SCRN3: variants seen among roughly 807,000 people sequenced by gnomAD.
SCRN3 encodes the protein secernin 3.
SCRN3 carries 39 observed loss-of-function variants against 43.1 expected under a neutral mutation model. The ratio of observed to expected loss-of-function variants is 0.91; its 90% CI spans 0.70 to 1.18. SCRN3 has a LOEUF of 1.18. Among genes scored for constraint, SCRN3 ranks in the 50% most tolerant of loss-of-function variants. The probability of loss-of-function intolerance (pLI) is 0.00; values close to 1 mark genes in which losing one functional copy is unlikely to be tolerated. For missense variants in SCRN3, 484 were observed against 498.0 expected (o/e 0.97, Z 0.27); for synonymous variants, 147 against 163.1 (o/e 0.90, Z 0.75).
At chr2:174,398,473 T>C in intron 2 of SCRN3, 31 bp downstream of exon 2, 1 of 1,550,818 alleles carries the variant, frequency 6.4e-7, no homozygotes, top group Non-Finnish European at 8.7e-7. Context: ...GTTAGCAATA[T>C]GCCTTTTAAA....
At chr2:174,400,573 C>G (rs1685474475) in intron 3 of SCRN3, among the ~76,000 whole-genome samples, 1 of 152,162 alleles carries the variant, frequency 6.6e-6, no homozygotes, top group African/African-American at 2.4e-5. Flanking sequence ...ACTGGGATTA[C>G]CAGCACAGGC....
intron 5 of SCRN3, among the ~76,000 whole-genome samples, chr2:174,414,488 G>C (rs994291798): frequency 6.6e-6 from 1 of 151,976 alleles, no homozygotes; most frequent in Non-Finnish European, 1.5e-5. Flanking sequence ...AGCAATATAC[G>C]ATGTAGATCA....
intron 3 of SCRN3, among the ~76,000 whole-genome samples, chr2:174,400,661 C>T (rs1426442835): frequency 6.6e-6 from 1 of 152,198 alleles, no homozygotes; most frequent in Non-Finnish European, 1.5e-5. Flanking sequence ...AAGTACCTAA[C>T]ATACTTTAAT....
At position 174,404,178 on chromosome 2, in the gene SCRN3, A is replaced by G. The variant is rs1685600575; in HGVS notation, c.617A>G (p.Tyr206Cys). ...CGGGAACACCCAGACATGAGAAACT[A>G]TGCTAAGCGGAAAGGTTGGTGGGAT... Reference protein sequence around the residue: ...IAREHPDMRNYAKRKGWWDGK... With the variant: ...IAREHPDMRNCAKRKGWWDGK... Residue 206 changes from tyrosine (Y) to cysteine (C), a missense_variant, in exon 5 of 8, where the codon TAT becomes TGT. Tyr to Cys is a radical substitution (Grantham distance 194). Coordinates refer to ENST00000272732, the MANE Select transcript of SCRN3 (RefSeq NM_024583.5). 4.3e-6 allele frequency: 7 copies of G among 1,613,932 alleles called. No individual in the cohort carries two copies. Among genetic ancestry groups the G allele is most frequent in the Middle Eastern group, 1.7e-4 (1 of 6,058 alleles).
At chr2:174,427,677 G>T (rs561949942) in intron 7 of SCRN3, 36 bp from the exon 8 acceptor site, 21 of 1,364,556 alleles carry the variant, frequency 1.5e-5, no homozygotes, top group Non-Finnish European at 2.0e-5. Flanking sequence ...ATGTGTATAT[G>T]TATATGTGTT....
intron 7 of SCRN3, among the ~76,000 whole-genome samples, chr2:174,425,314 C>T (rs1008636240): frequency 6.6e-6 from 1 of 152,080 alleles, no homozygotes; most frequent in Non-Finnish European, 1.5e-5. Context: ...TATACCTATT[C>T]AGCTCGCTAA....
chr2:174,398,616 T>C (rs556683118), intron 2 of SCRN3, among the ~76,000 whole-genome samples, 174 bp downstream of exon 2: 41 of 152,300 alleles, frequency 2.7e-4, no homozygotes, highest in African/African-American at 9.9e-4. Context: ...TCGGAGGACG[T>C]TGAAATAACA....
chr2:174,419,919 G>C (rs576339058), intron 5 of SCRN3, among the ~76,000 whole-genome samples: 1 of 152,206 alleles, frequency 6.6e-6, no homozygotes, highest in African/African-American at 2.4e-5. Flanking sequence ...ATAGCTATGA[G>C]ATCTGCAGGG....
intron 7 of SCRN3, 77 bp from the exon 8 acceptor site, chr2:174,427,636 T>C (rs17256082): frequency 0.3 from 242,359 of 798,368 alleles, 38,943 homozygotes; most frequent in Middle Eastern, 0.47. Context: ...CAAACCTTAT[T>C]TGTAGAGATG....
intron 5 of SCRN3, among the ~76,000 whole-genome samples, chr2:174,418,830 T>G (rs537146039): frequency 6.6e-6 from 1 of 152,330 alleles, no homozygotes; most frequent in Non-Finnish European, 1.5e-5. Context: ...AAGGGCTGCT[T>G]TTAGGCGCAC....
At chr2:174,423,353 G>T (rs1440468554) in intron 6 of SCRN3, among the ~76,000 whole-genome samples, 5 of 152,178 alleles carry the variant, frequency 3.3e-5, no homozygotes, top group Non-Finnish European at 7.3e-5. Context: ...TATGATATTA[G>T]ATAATTCATA....
chr2:174,404,611 C>G (rs1298058617), intron 5 of SCRN3, among the ~76,000 whole-genome samples: 1 of 109,472 alleles, frequency 9.1e-6, no homozygotes, highest in East Asian at 2.9e-4. Flanking sequence ...CCCCCCTCCC[C>G]CCACCCCACC....
intron 5 of SCRN3, among the ~76,000 whole-genome samples, chr2:174,413,281 A>G (rs1685991604): frequency 6.6e-6 from 1 of 152,208 alleles, no homozygotes; most frequent in Non-Finnish European, 1.5e-5. Context: ...TTCTGAGGAA[A>G]TGAACCAGTT....
At chr2:174,401,745 C>G (rs1196588594) in intron 4 of SCRN3, among the ~76,000 whole-genome samples, 1 of 152,096 alleles carries the variant, frequency 6.6e-6, no homozygotes, top group Non-Finnish European at 1.5e-5. Flanking sequence ...TGAGGAAAGC[C>G]AGAGATGTAA....
chr2:174,395,784 G>A lies in SCRN3; in HGVS notation c.-43G>A. ...GCCTCCACTGGCCACTCCTCCCTCC[G>A]TCCACCTGTCACTTCGGGTAGCTGG... On this transcript the variant is annotated 5_prime_UTR_variant, in exon 1 of 8. Transcript: ENST00000272732. 1 of 1,562,522 alleles carries A rather than the reference G, an allele frequency of 6.4e-7. No individual in the cohort carries two copies. Among genetic ancestry groups the A allele is most frequent in the Non-Finnish European group, 8.7e-7 (1 of 1,152,468 alleles).
rs1279415063 is a variant in SCRN3 at position 174,397,095 on chromosome 2, G to GA, written c.-9-1176dup. 3 of 983,046 alleles carry GA rather than the reference G, an allele frequency of 3.1e-6. No homozygotes were observed. The Admixed American group carries it at 1.8e-4, about 60-fold the overall frequency. 60.9% of individuals were successfully genotyped at this position (983,046 alleles called of 1,614,324 possible). A position where few individuals can be genotyped will look rare whatever the true frequency, so the allele number is the denominator to read the frequency against. ...GGACATAAGAGTTGAAATACAGAAAGAAAATAACAGAAGCCATCAAGACAT... is the reference window on the plus strand; with the variant it reads ...GGACATAAGAGTTGAAATACAGAAAGAAAAATAACAGAAGCCATCAAGACAT... On this transcript the variant is annotated intron_variant, in intron 1 of 7. Coordinates refer to ENST00000272732, the MANE Select transcript of SCRN3 (RefSeq NM_024583.5).
At chr2:174,415,769 C>T (rs950213788) in intron 5 of SCRN3, among the ~76,000 whole-genome samples, 1 of 152,120 alleles carries the variant, frequency 6.6e-6, no homozygotes, top group Non-Finnish European at 1.5e-5. Flanking sequence ...CTCAACCTCC[C>T]AAATAGCTGG....
chr2:174,401,558 G>T (rs1483210662), intron 4 of SCRN3, among the ~76,000 whole-genome samples: 2 of 152,194 alleles, frequency 1.3e-5, no homozygotes, highest in Non-Finnish European at 2.9e-5. Context: ...GAGGAAATGG[G>T]AGTGGGGTTA....
intron 5 of SCRN3, among the ~76,000 whole-genome samples, chr2:174,421,802 C>T (rs147499085): frequency 4.5e-4 from 68 of 152,232 alleles, no homozygotes; most frequent in African/African-American, 1.6e-3. Flanking sequence ...CAGACGAACA[C>T]AGTAGAAATT....
Sources: allele counts gnomAD v4.1 joint callset (sites outside exome capture counted in the v4.1 genomes callset), GRCh38; gene constraint gnomAD v4.1.1; transcripts MANE v1.5; gene names NCBI Gene and HGNC (gene_info 2026-07-23, HGNC 2026-07-21).